DIS3L2: variants seen among roughly 807,000 people sequenced by gnomAD.
DIS3L2 encodes the protein DIS3-like exonuclease 2.
Under a neutral mutation model 97.5 loss-of-function variants are expected in DIS3L2, and 34 were observed. That is an observed-to-expected ratio of 0.35 (90% CI 0.27 to 0.46). The LOEUF (loss-of-function observed/expected upper bound fraction) is 0.46, where lower values mean the gene tolerates loss of function less well. Ranked by LOEUF, DIS3L2 falls within the 20% of genes least tolerant of loss-of-function variation. The pLI is 1.00. For missense variants in DIS3L2, 1,038 were observed against 1,146.0 expected, an observed-to-expected ratio of 0.91 and a Z score of 1.36; for synonymous variants, 435 against 445.2, an observed-to-expected ratio of 0.98 and a Z score of 0.29.
chr2:232,212,011 A>C (rs1044366209), intron 10 of DIS3L2, among the ~76,000 whole-genome samples: 1 of 152,208 alleles, frequency 6.6e-6, no homozygotes, highest in African/African-American at 2.4e-5. Context: ...AGCACGAGCC[A>C]CTGTGCTGAG....
chr2:232,238,877 G>A (rs963168588), intron 11 of DIS3L2, among the ~76,000 whole-genome samples: 1 of 152,206 alleles, frequency 6.6e-6, no homozygotes, highest in Non-Finnish European at 1.5e-5. Flanking sequence ...TTGTTCTAAA[G>A]CAGGGCTCGG....
chr2:232,051,811 CAAAAAA>C (rs58851349), intron 5 of DIS3L2, among the ~76,000 whole-genome samples: 3 of 37,062 alleles, frequency 8.1e-5, no homozygotes, highest in African/African-American at 1.0e-4. Flanking sequence ...GACTCCGTCT[CAAAAAA>C]AAAAAAAAAA....
At chr2:232,075,352 A>G (rs1235162609) in intron 5 of DIS3L2, among the ~76,000 whole-genome samples, 1 of 152,234 alleles carries the variant, frequency 6.6e-6, no homozygotes, top group Non-Finnish European at 1.5e-5. Flanking sequence ...GAATGTGAAG[A>G]TTCATAATAA....
intron 1 of DIS3L2, among the ~76,000 whole-genome samples, chr2:231,968,238 C>G (rs1027536899): frequency 1.3e-5 from 2 of 152,014 alleles, no homozygotes; most frequent in Non-Finnish European, 2.9e-5. Flanking sequence ...GCTGGGACTA[C>G]AGGCACCTGC....
chr2:232,249,372 C>T (rs1374339784), intron 12 of DIS3L2, 26 bp downstream of exon 12: 2 of 1,606,130 alleles, frequency 1.2e-6, no homozygotes, highest in South Asian at 1.1e-5. Flanking sequence ...TTTTCTTTCT[C>T]CACTTACCTC....
At chr2:232,272,496 TG>T (rs1343470968) in intron 13 of DIS3L2, among the ~76,000 whole-genome samples, 1 of 152,082 alleles carries the variant, frequency 6.6e-6, no homozygotes, top group African/African-American at 2.4e-5. Flanking sequence ...TGAGCCACAC[TG>T]TGATGAAAGG....
At chr2:232,008,783 G>T (rs560565364) in intron 1 of DIS3L2, among the ~76,000 whole-genome samples, 13 of 152,256 alleles carry the variant, frequency 8.5e-5, no homozygotes, top group African/African-American at 2.9e-4. Flanking sequence ...ATCAGTTGTG[G>T]GTTCAAAAGG....
chr2:232,143,812 G>C (rs545411745), intron 8 of DIS3L2, among the ~76,000 whole-genome samples: 35 of 151,990 alleles, frequency 2.3e-4, no homozygotes, highest in Non-Finnish European at 3.4e-4. Flanking sequence ...CAAGTTCCCT[G>C]TCTGTTCTCC....
Position 232,292,033 on chromosome 2 carries a change from T to C in DIS3L2, c.1660-8007T>C, listed in dbSNP as rs1694613895. On this transcript the variant is annotated intron_variant, in intron 13 of 20. Transcript: ENST00000325385. The surrounding 1 kb of genome is among the most constrained non-coding windows in gnomAD (Gnocchi z 4.4). ...TGGCTGTTTGACAAAGCTGCCTGTG[T>C]GCCTGGGCCAGCCAAAGATCTACCT... is the stretch of plus-strand genomic sequence containing the variant. Among the ~76,000 whole-genome samples the C allele has an allele frequency of 6.6e-6, 1 of 152,134 alleles. No individual in the cohort carries two copies. The highest frequency in any genetic ancestry group is 6.5e-5 in the Admixed American group (1 of 15,274).
intron 9 of DIS3L2, among the ~76,000 whole-genome samples, chr2:232,192,930 T>C (rs763986238): frequency 1.3e-5 from 2 of 152,142 alleles, no homozygotes; most frequent in Non-Finnish European, 1.5e-5. Context: ...AAGACTTCTT[T>C]CTTCCTCTCT....
intron 8 of DIS3L2, among the ~76,000 whole-genome samples, chr2:232,158,127 C>T (rs1023323935): frequency 2.6e-5 from 4 of 152,182 alleles, no homozygotes; most frequent in Non-Finnish European, 4.4e-5. Flanking sequence ...AAGTGGACCA[C>T]GGACATAGGG....
At chr2:232,298,535 G>A (rs984605905) in intron 13 of DIS3L2, among the ~76,000 whole-genome samples, 1 of 152,200 alleles carries the variant, frequency 6.6e-6, no homozygotes, top group African/African-American at 2.4e-5. Flanking sequence ...CTTCATGATG[G>A]TCGAGAAGGG....
At chr2:231,998,521 T>C (rs1693791226) in intron 1 of DIS3L2, among the ~76,000 whole-genome samples, 1 of 152,216 alleles carries the variant, frequency 6.6e-6, no homozygotes, top group African/African-American at 2.4e-5. Flanking sequence ...TCAGGAGACA[T>C]ATAATGTTGA....
intron 5 of DIS3L2, among the ~76,000 whole-genome samples, chr2:232,068,532 T>C (rs1441140470): frequency 1.3e-5 from 2 of 151,574 alleles, no homozygotes; most frequent in African/African-American, 4.9e-5. Context: ...CAATGAGCCA[T>C]GATTGTGTCA....
intron 5 of DIS3L2, among the ~76,000 whole-genome samples, chr2:232,051,593 A>G (rs1238457557): frequency 3.3e-5 from 5 of 151,814 alleles, no homozygotes; most frequent in African/African-American, 9.7e-5. Context: ...CGGGCGGATC[A>G]CGAGGTCAGG....
chr2:232,206,425 C>T (rs1574945315), intron 9 of DIS3L2, among the ~76,000 whole-genome samples: 1 of 152,358 alleles, frequency 6.6e-6, no homozygotes, highest in East Asian at 1.9e-4. Context: ...CTGGTCAACA[C>T]TGCCATTGTA....
chr2:232,187,239 T>A (rs1452878182), intron 9 of DIS3L2, among the ~76,000 whole-genome samples: 1 of 152,076 alleles, frequency 6.6e-6, no homozygotes, highest in Admixed American at 6.5e-5. Flanking sequence ...GGCTGTAATT[T>A]AAAAAAATAC....
intron 14 of DIS3L2, among the ~76,000 whole-genome samples, chr2:232,322,747 C>A (rs532163207): frequency 1.3e-5 from 2 of 152,178 alleles, no homozygotes; most frequent in African/African-American, 4.8e-5. Flanking sequence ...GGTGTAAGAG[C>A]GTGTGTATGT....
At chr2:232,145,562 AC>A (rs1256779936) in intron 8 of DIS3L2, among the ~76,000 whole-genome samples, 1 of 152,200 alleles carries the variant, frequency 6.6e-6, no homozygotes, top group Non-Finnish European at 1.5e-5. Context: ...CCACACAGTA[AC>A]TGATAAAAGT....
Sources: allele counts gnomAD v4.1 joint callset (sites outside exome capture counted in the v4.1 genomes callset), GRCh38; gene constraint gnomAD v4.1.1; non-coding constraint Gnocchi (gnomAD v3.1); transcripts MANE v1.5; gene names NCBI Gene and HGNC (gene_info 2026-07-23, HGNC 2026-07-21).